Variants in CCDC149 observed in about 807,000 individuals in gnomAD.
The protein encoded by CCDC149 is coiled-coil domain-containing protein 149.
In CCDC149, 45 loss-of-function variants were observed where a neutral mutation model predicts 59.9. The observed-to-expected ratio is 0.75, with a 90% CI of 0.59 to 0.96. The LOEUF (loss-of-function observed/expected upper bound fraction) is 0.96, where lower values mean the gene tolerates loss of function less well. CCDC149 is among the 40% of genes least tolerant of loss of function. The pLI is 0.00. For synonymous variants in CCDC149, 245 were observed against 260.6 expected (o/e 0.94, Z 0.58); for missense variants, 584 against 664.7 (o/e 0.88, Z 1.33).
At chr4:24,848,674 C>T (rs139878247) in intron 4 of CCDC149, among the ~76,000 whole-genome samples, 65 of 152,028 alleles carry the variant, frequency 4.3e-4, no homozygotes, top group Middle Eastern at 3.4e-3. Flanking sequence ...CATACTGCTT[C>T]TTTTAAGTGA....
intron 12 of CCDC149, among the ~76,000 whole-genome samples, chr4:24,811,976 G>A (rs1036602539): frequency 1.3e-5 from 2 of 152,112 alleles, no homozygotes; most frequent in African/African-American, 2.4e-5. Flanking sequence ...TCTGATGGCT[G>A]CCAGGATTCC....
At chr4:24,907,284 G>GAAAA (rs1721592261) in intron 1 of CCDC149, among the ~76,000 whole-genome samples, 1 of 152,080 alleles carries the variant, frequency 6.6e-6, no homozygotes, top group Non-Finnish European at 1.5e-5. Context: ...TTAAAGACGA[G>GAAAA]AAAAATGAGG....
rs143040188 is a variant in CCDC149 at position 24,871,497 on chromosome 4, A to G, written c.264+2184T>C. 6.9e-4 allele frequency among the ~76,000 whole-genome samples: 105 copies of G among 152,332 alleles called. No individual in the cohort carries two copies. The South Asian group carries it at 7.2e-3, about 11-fold the overall frequency. ...AACACACAGCATTAACATCACCATC[A>G]TCTGGACTCCCTTCAAGTCCATAAA... is the stretch of plus-strand genomic sequence containing the variant. On this transcript the variant is annotated intron_variant, in intron 3 of 12. Coordinates refer to ENST00000635206, the MANE Select transcript of CCDC149 (RefSeq NM_001330643.2).
chr4:24,821,892 CA>C (rs1715426186), intron 10 of CCDC149, among the ~76,000 whole-genome samples: 1 of 151,990 alleles, frequency 6.6e-6, no homozygotes, highest in Non-Finnish European at 1.5e-5. Flanking sequence ...GAAAAAAAAT[CA>C]CAGGAAATTC....
At chr4:24,942,348 C>G (rs921169364) in intron 1 of CCDC149, among the ~76,000 whole-genome samples, 19 of 151,772 alleles carry the variant, frequency 1.3e-4, no homozygotes, top group African/African-American at 2.7e-4. Context: ...ATTCAACAAC[C>G]CTTCATGCTA....
chr4:24,849,581 A>T (rs1261968285), intron 4 of CCDC149, among the ~76,000 whole-genome samples: 1 of 152,190 alleles, frequency 6.6e-6, no homozygotes, highest in Non-Finnish European at 1.5e-5. Flanking sequence ...GGTGGCAACA[A>T]ATCTTTCAGG....
At chr4:24,919,443 T>G (rs1475017700) in intron 1 of CCDC149, among the ~76,000 whole-genome samples, 1 of 152,170 alleles carries the variant, frequency 6.6e-6, no homozygotes, top group African/African-American at 2.4e-5. Context: ...CACATAAAAA[T>G]GGTTAAAATG....
At chr4:24,904,740 T>C (rs1382288663) in intron 1 of CCDC149, among the ~76,000 whole-genome samples, 1 of 152,200 alleles carries the variant, frequency 6.6e-6, no homozygotes, top group Non-Finnish European at 1.5e-5. Context: ...CTAATAGGTA[T>C]GTTGTGGTAT....
intron 3 of CCDC149, among the ~76,000 whole-genome samples, chr4:24,855,456 C>T (rs532217753): frequency 6.6e-6 from 1 of 152,040 alleles, no homozygotes; most frequent in South Asian, 2.1e-4. Context: ...GTCCCAGCTA[C>T]AGTGGAGGCT....
intron 1 of CCDC149, among the ~76,000 whole-genome samples, chr4:24,908,151 AGGGTGTTAGGACTTGAACACATCGTTTT>A (rs1721647636): frequency 6.6e-6 from 1 of 152,178 alleles, no homozygotes. Context: ...AGTTGAGGGG[AGGGTGTTAGGACTTGAACACATCGTTTT>A]GGGGACACAG....
chr4:24,942,096 AAG>A (rs1349858029), intron 1 of CCDC149, among the ~76,000 whole-genome samples: 3 of 152,230 alleles, frequency 2.0e-5, no homozygotes, highest in Non-Finnish European at 2.9e-5. Context: ...ACAACAAAAA[AAG>A]AGAATTTTAG....
rs555832636 is a variant in CCDC149, at chr4:24,974,153, G to T, written c.-65+5916C>A. On this transcript the variant is annotated intron_variant, in intron 1 of 12. Transcript: ENST00000389609. ...GCCTCGGGCACAGCTCCTTTTGACA[G>T]TTTGCTCCCCAGGGCGGAAGGTGAC... is the stretch of plus-strand genomic sequence containing the variant. Among the ~76,000 whole-genome samples, 7 of 152,356 alleles carry T rather than the reference G, an allele frequency of 4.6e-5. No homozygotes were observed. The South Asian group carries it at 1.5e-3, about 32-fold the overall frequency.
intron 8 of CCDC149, among the ~76,000 whole-genome samples, chr4:24,834,491 C>A (rs1209655182): frequency 6.6e-6 from 1 of 152,066 alleles, no homozygotes; most frequent in Non-Finnish European, 1.5e-5. Flanking sequence ...CTTTTCTGAT[C>A]GTAGAGGCCG....
In CCDC149 at chr4:24,927,222, C is replaced by T. The variant is rs529023039; in HGVS notation, c.-64-32104G>A. On this transcript the variant is annotated intron_variant, in intron 1 of 12. Coordinates refer to the CCDC149 transcript ENST00000389609. ...CCACATCCAGGAAGGTCATTACTGA[C>T]GAAGCAGAACTGAAACTCAGTTGTG... Among the ~76,000 whole-genome samples, 46 of 152,276 alleles carry T rather than the reference C, an allele frequency of 3.0e-4. 1 individual carries two copies. Among genetic ancestry groups the T allele is most frequent in the South Asian group, 1.7e-3 (8 of 4,828 alleles).
chr4:24,934,042 C>T (rs1485202431), intron 1 of CCDC149, among the ~76,000 whole-genome samples: 2 of 152,200 alleles, frequency 1.3e-5, no homozygotes, highest in Non-Finnish European at 2.9e-5. Context: ...AGTAGTCTAG[C>T]TTGATCTTCT....
intron 1 of CCDC149, among the ~76,000 whole-genome samples, chr4:24,908,798 C>T (rs1009167815): frequency 1.3e-5 from 2 of 152,180 alleles, no homozygotes; most frequent in African/African-American, 4.8e-5. Flanking sequence ...ACAACATGCT[C>T]AAGGAATAGG....
At chr4:24,832,254 C>G (rs976488866) in intron 8 of CCDC149, among the ~76,000 whole-genome samples, 1 of 152,160 alleles carries the variant, frequency 6.6e-6, no homozygotes, top group Non-Finnish European at 1.5e-5. Context: ...GGTGCTACCA[C>G]TTAGGATAAG....
chr4:24,884,603 C>T (rs1000465353), intron 1 of CCDC149, among the ~76,000 whole-genome samples: 6 of 152,156 alleles, frequency 3.9e-5, no homozygotes, highest in African/African-American at 1.4e-4. Context: ...GCAGTTTAGA[C>T]TAATGGTTGG....
intron 3 of CCDC149, among the ~76,000 whole-genome samples, chr4:24,855,985 C>G (rs868664540): frequency 6.6e-6 from 1 of 152,194 alleles, no homozygotes; most frequent in Non-Finnish European, 1.5e-5. Flanking sequence ...ATCTGTAAGA[C>G]AGAGCTAGCA....
Sources: gnomAD v4.1 joint callset for allele counts (sites outside exome capture counted in the v4.1 genomes callset) on GRCh38, gnomAD v4.1.1 for gene constraint, MANE v1.5 for transcripts, NCBI Gene and HGNC (gene_info 2026-07-23, HGNC 2026-07-21) for gene names.